Variants in CWC27 observed in about 807,000 individuals in gnomAD.
CWC27 encodes the protein spliceosome-associated protein CWC27 homolog.
CWC27 carries 47 observed loss-of-function variants against 63.6 expected under a neutral mutation model. The observed-to-expected ratio is 0.74, with a 90% CI of 0.58 to 0.94. CWC27 has a LOEUF of 0.94. CWC27 is among the 40% of genes least tolerant of loss of function. The probability of loss-of-function intolerance (pLI) is 0.00; values close to 1 mark genes in which losing one functional copy is unlikely to be tolerated. For synonymous variants in CWC27, 175 were observed against 179.8 expected, an observed-to-expected ratio of 0.97 and a Z score of 0.22; for missense variants, 495 against 554.3, an observed-to-expected ratio of 0.89 and a Z score of 1.07.
At chr5:64,937,427 G>A (rs1281106934) in intron 11 of CWC27, among the ~76,000 whole-genome samples, 1 of 152,056 alleles carries the variant, frequency 6.6e-6, no homozygotes, top group African/African-American at 2.4e-5. Flanking sequence ...TTCTTAATCT[G>A]GAGTTCTAAT....
At chr5:64,992,582 A>C (rs2112459472) in intron 13 of CWC27, among the ~76,000 whole-genome samples, 1 of 151,448 alleles carries the variant, frequency 6.6e-6, no homozygotes, top group South Asian at 2.1e-4. Context: ...CCCAGGCTGC[A>C]GTGCAGTGGC....
intron 11 of CWC27, among the ~76,000 whole-genome samples, chr5:64,949,852 T>C (rs965434099): frequency 1.3e-5 from 2 of 152,020 alleles, no homozygotes; most frequent in South Asian, 4.1e-4. Context: ...CTTTCATCAT[T>C]GGACCAGTGT....
At chr5:65,002,862 C>T (rs1036573451) in intron 13 of CWC27, among the ~76,000 whole-genome samples, 1 of 152,156 alleles carries the variant, frequency 6.6e-6, no homozygotes, top group Non-Finnish European at 1.5e-5. Flanking sequence ...TCTAGATGAT[C>T]TCTCCAATGC....
chr5:64,853,129 C>T (rs1021322826), intron 10 of CWC27, among the ~76,000 whole-genome samples: 7 of 152,228 alleles, frequency 4.6e-5, no homozygotes, highest in Middle Eastern at 3.4e-3. Context: ...AGTGACTAGG[C>T]GGCAGATTTG....
At chr5:64,917,646 C>G (rs538267211) in intron 11 of CWC27, among the ~76,000 whole-genome samples, 1 of 152,110 alleles carries the variant, frequency 6.6e-6, no homozygotes, top group African/African-American at 2.4e-5. Flanking sequence ...CTGAATAGAA[C>G]AAAAAGGCTG....
chr5:64,987,114 GGTGCACAAT>G (rs1561180353), intron 13 of CWC27, among the ~76,000 whole-genome samples: 3 of 151,448 alleles, frequency 2.0e-5, no homozygotes, highest in Non-Finnish European at 4.4e-5. Context: ...TTAGGGTACA[GGTGCACAAT>G]GTGCAGGTTA....
intron 11 of CWC27, among the ~76,000 whole-genome samples, chr5:64,897,775 G>A (rs1018862065): frequency 8.6e-5 from 13 of 151,998 alleles, no homozygotes; most frequent in South Asian, 2.1e-4. Flanking sequence ...CAATCAAATC[G>A]TTAAGGCAAA....
chr5:64,774,849 T>C (rs1036104600), intron 2 of CWC27, 62 bp downstream of exon 2: 13 of 950,950 alleles, frequency 1.4e-5, no homozygotes, highest in Non-Finnish European at 2.1e-5. Context: ...CTGCAGTGTC[T>C]GCTTCACAAC....
chr5:64,876,358 A>T (rs1746793222), intron 10 of CWC27, among the ~76,000 whole-genome samples: 1 of 152,134 alleles, frequency 6.6e-6, no homozygotes, highest in African/African-American at 2.4e-5. Context: ...TTAAAGCAGC[A>T]GGCTAAAGAC....
At chr5:64,910,143 C>T (rs1747753576) in intron 11 of CWC27, among the ~76,000 whole-genome samples, 1 of 152,168 alleles carries the variant, frequency 6.6e-6, no homozygotes, top group Non-Finnish European at 1.5e-5. Flanking sequence ...GACGTTGATG[C>T]TATTCCTTTC....
At chr5:64,873,191 T>C (rs1746717501) in intron 10 of CWC27, among the ~76,000 whole-genome samples, 1 of 152,196 alleles carries the variant, frequency 6.6e-6, no homozygotes, top group Non-Finnish European at 1.5e-5. Flanking sequence ...TTCGTTCACT[T>C]AGAAGCATTA....
In CWC27 at chr5:64,902,272, C is replaced by T. The variant is rs922095841; in HGVS notation, c.1042+16726C>T. 1.3e-4 allele frequency among the ~76,000 whole-genome samples: 20 copies of T among 152,188 alleles called. 1 individual carries two copies. Among genetic ancestry groups the T allele is most frequent in the South Asian group, 6.2e-4 (3 of 4,818 alleles). On this transcript the variant is annotated intron_variant, in intron 11 of 13. Coordinates refer to ENST00000381070, the MANE Select transcript of CWC27 (RefSeq NM_005869.4). ...AATGCATGAGTAATGTGTTGCTCTA[C>T]GAAATTATCATGGCTACAGTGTCAC...
intron 10 of CWC27, among the ~76,000 whole-genome samples, chr5:64,808,785 A>G (rs897295332): frequency 6.6e-6 from 1 of 152,170 alleles, no homozygotes; most frequent in Non-Finnish European, 1.5e-5. Context: ...CCATTATAGG[A>G]GTGGTTTTCA....
At chr5:64,790,514 G>T (rs1744037615) in intron 7 of CWC27, among the ~76,000 whole-genome samples, 2 of 152,162 alleles carry the variant, frequency 1.3e-5, no homozygotes, top group South Asian at 4.2e-4. Context: ...CCTTTTCATT[G>T]ATGTTTTCTA....
intron 13 of CWC27, among the ~76,000 whole-genome samples, chr5:65,003,707 A>G (rs1158176425): frequency 6.6e-6 from 1 of 152,096 alleles, no homozygotes; most frequent in Admixed American, 6.5e-5. Context: ...TTCTTTTAGC[A>G]TTTTGACTGT....
chr5:64,948,278 C>A (rs912277836), intron 11 of CWC27, among the ~76,000 whole-genome samples: 1 of 151,880 alleles, frequency 6.6e-6, no homozygotes, highest in African/African-American at 2.4e-5. Context: ...CAGAGTATAT[C>A]ACATGTAATA....
intron 13 of CWC27, among the ~76,000 whole-genome samples, chr5:64,999,940 T>A (rs763404549): frequency 6.6e-6 from 1 of 152,072 alleles, no homozygotes; most frequent in Non-Finnish European, 1.5e-5. Context: ...CTATACTAAT[T>A]TACGTTCACA....
chr5:64,945,434 A>G (rs966327489), intron 11 of CWC27, among the ~76,000 whole-genome samples: 9 of 152,172 alleles, frequency 5.9e-5, no homozygotes, highest in African/African-American at 2.2e-4. Flanking sequence ...AACATTTATA[A>G]TACATCCTTT....
chr5:64,815,334 C>T (rs1244150656), intron 10 of CWC27, among the ~76,000 whole-genome samples: 2 of 152,132 alleles, frequency 1.3e-5, no homozygotes, highest in East Asian at 1.9e-4. Context: ...GATGAAGGAA[C>T]AGCTCCTCTC....
Sources: gnomAD v4.1 joint callset for allele counts (sites outside exome capture counted in the v4.1 genomes callset) on GRCh38, gnomAD v4.1.1 for gene constraint, MANE v1.5 for transcripts, NCBI Gene and HGNC (gene_info 2026-07-23, HGNC 2026-07-21) for gene names.